The following ADD1 variants were observed in gnomAD, a reference collection of about 807,000 sequenced individuals.
ADD1 encodes alpha-adducin.
ADD1 carries 24 observed loss-of-function variants against 80.5 expected under a neutral mutation model. The observed-to-expected ratio is 0.30, with a 90% CI of 0.22 to 0.42. ADD1 has a LOEUF of 0.42. ADD1 is among the 10% of genes least tolerant of loss of function. ADD1 has a pLI of 1.00. For missense variants in ADD1, 948 were observed against 1,019.0 expected (o/e 0.93, Z 0.95); for synonymous variants, 373 against 393.8 (o/e 0.95, Z 0.63).
chr4:2,926,165 G>C lies in ADD1; in HGVS notation c.2047+53G>C. 2 of 1,475,768 alleles carry C rather than the reference G, an allele frequency of 1.4e-6. No individual in the cohort carries two copies. The highest frequency in any genetic ancestry group is 1.9e-6 in the Non-Finnish European group (2 of 1,055,360). The allele number at this position is 1,475,768 out of a possible 1,614,324, so 91.4% of individuals were successfully genotyped here. ...CTGTGGGAGGGTGCACGGCTCGTGC[G>C]CGCTGTGGCGGAATGTGGCGGGAGT... is the stretch of plus-strand genomic sequence containing the variant. On this transcript the variant is annotated intron_variant, in intron 15 of 15. Coordinates refer to ENST00000683351, the MANE Select transcript of ADD1 (RefSeq NM_001354761.2). This position sits in a 1 kb window ranked among gnomAD's most constrained non-coding sequence, Gnocchi z 5.0.
chr4:2,921,890 A>G (rs917629334), intron 14 of ADD1, among the ~76,000 whole-genome samples: 1 of 150,754 alleles, frequency 6.6e-6, no homozygotes, highest in East Asian at 2.0e-4. Context: ...TTGATCTTCA[A>G]TCTCTGATAT....
chr4:2,857,327 A>G (rs763068374), intron 1 of ADD1, among the ~76,000 whole-genome samples: 1 of 152,174 alleles, frequency 6.6e-6, no homozygotes, highest in African/African-American at 2.4e-5. Context: ...AAAAGTTAGC[A>G]GGTGTGGTGG....
At position 2,896,436 on chromosome 4, in the gene ADD1, T is replaced by C. The variant is rs1442923988; in HGVS notation, c.741+1705T>C. 4.6e-5 allele frequency among the ~76,000 whole-genome samples: 7 copies of C among 151,696 alleles called. No individual in the cohort carries two copies. In the East Asian group the frequency reaches 7.8e-4, roughly 17 times the overall value. ...GTTGGCCTGGCTGGTCTCGAACTCCTGACCTCAAGTGATCTGCCCACCTTG... is the reference window on the plus strand; with the variant it reads ...GTTGGCCTGGCTGGTCTCGAACTCCCGACCTCAAGTGATCTGCCCACCTTG... On this transcript the variant is annotated intron_variant, in intron 6 of 15. Transcript: ENST00000683351.
At chr4:2,851,239 G>T (rs1420275241) in intron 1 of ADD1, among the ~76,000 whole-genome samples, 1 of 152,158 alleles carries the variant, frequency 6.6e-6, no homozygotes, top group Non-Finnish European at 1.5e-5. Context: ...TGCCACTCAA[G>T]ATGTGTGGCC....
chr4:2,903,407 G>T (rs1450551765), intron 9 of ADD1, among the ~76,000 whole-genome samples: 3 of 152,174 alleles, frequency 2.0e-5, no homozygotes, highest in Admixed American at 6.5e-5. Flanking sequence ...CTTCTGTGGG[G>T]CAGGAGTCCA....
chr4:2,928,491 C>T lies in ADD1; in HGVS notation c.2368C>T (p.Leu790=). ...GAAGAAGTTCCGTACCCCGTCCTTT[C>T]TGAAGAAGAGCAAGAAGAAGAGTGA... ...KKKKFRTPSF[L]KKSKKKSDS Residue 790 remains leucine (L), a synonymous_variant, in exon 16 of 16, where the codon CTG becomes TTG. Transcript: ENST00000683351. The T allele has an allele frequency of 6.2e-7, 1 of 1,613,700 alleles. No homozygotes were observed. The highest frequency in any genetic ancestry group is 1.3e-5 in the African/African-American group (1 of 75,034).
Position 2,878,843 on chromosome 4 carries a change from T to G in ADD1, c.195+2733T>G, listed in dbSNP as rs142028743. 4.8e-3 allele frequency among the ~76,000 whole-genome samples: 726 copies of G among 152,230 alleles called. 3 individuals are homozygous for G. The highest frequency in any genetic ancestry group is 0.027 in the Middle Eastern group (8 of 294). ...AGGGATTACAATGTAATCATTACAA[T>G]GGATCTAAGCCAGTGAGGGAGTTCA... On this transcript the variant is annotated intron_variant, in intron 2 of 15. Coordinates refer to ENST00000683351, the MANE Select transcript of ADD1 (RefSeq NM_001354761.2).
chr4:2,884,716 T>A (rs771500177), intron 4 of ADD1, 50 bp downstream of exon 4: 4 of 1,521,906 alleles, frequency 2.6e-6, no homozygotes, highest in Non-Finnish European at 3.6e-6. Context: ...ATATTTTGTG[T>A]CTGGCACCAC....
At chr4:2,916,819 A>C (rs1221346265) in intron 14 of ADD1, among the ~76,000 whole-genome samples, 1 of 152,112 alleles carries the variant, frequency 6.6e-6, no homozygotes, top group Admixed American at 6.6e-5. Flanking sequence ...GTTTGCTGAG[A>C]ATGATGGTTT....
chr4:2,916,658 G>T (rs936714568), intron 14 of ADD1, among the ~76,000 whole-genome samples: 1 of 152,138 alleles, frequency 6.6e-6, no homozygotes, highest in Admixed American at 6.5e-5. Flanking sequence ...TCTACATTAG[G>T]TATTTCTCCT....
rs1469277961 is a variant in ADD1 at position 2,899,881 on chromosome 4, C to T, written c.1161+446C>T. ...CCACTCCCTGTCCACAGCGTGGGAG[C>T]CCCTCAGCTGCTTATTGCAGGGACA... On this transcript the variant is annotated intron_variant, in intron 9 of 15. Transcript: ENST00000683351. 4 of 295,290 alleles carry T rather than the reference C, an allele frequency of 1.4e-5. No homozygotes were observed. The East Asian group carries it at 4.0e-4, about 30-fold the overall frequency. 18.3% of individuals were successfully genotyped at this position (295,290 alleles called of 1,614,324 possible).
intron 2 of ADD1, among the ~76,000 whole-genome samples, chr4:2,881,109 G>A (rs1411955143): frequency 2.8e-5 from 2 of 72,574 alleles, no homozygotes; most frequent in African/African-American, 1.2e-4. Flanking sequence ...ACAAAGTCTT[G>A]CTCTGTTGCC....
intron 1 of ADD1, among the ~76,000 whole-genome samples, chr4:2,869,007 C>T (rs555501397): frequency 2.4e-4 from 37 of 152,316 alleles, no homozygotes; most frequent in South Asian, 4.1e-4. Flanking sequence ...TGACTGCGCT[C>T]ACTCTGCTGT....
At chr4:2,917,348 G>A (rs1338035068) in intron 14 of ADD1, among the ~76,000 whole-genome samples, 2 of 152,096 alleles carry the variant, frequency 1.3e-5, no homozygotes, top group East Asian at 3.9e-4. Context: ...AGAAGTGTCT[G>A]TTTATATCCT....
At chr4:2,885,815 T>C (rs920656397) in intron 4 of ADD1, among the ~76,000 whole-genome samples, 14 of 152,070 alleles carry the variant, frequency 9.2e-5, no homozygotes, top group African/African-American at 2.4e-4. Flanking sequence ...TTTCACCGTG[T>C]TAGCCAGGAT....
Position 2,894,668 on chromosome 4 carries a change from A to G in ADD1, c.678A>G (p.Ala226=), listed in dbSNP as rs1176984169. 1 of 1,606,764 alleles carries G rather than the reference A, an allele frequency of 6.2e-7. No individual in the cohort carries two copies. Among genetic ancestry groups the G allele is most frequent in the Non-Finnish European group, 8.5e-7 (1 of 1,178,010 alleles). Residue 226 remains alanine, a synonymous_variant, in exon 6 of 16, where the codon GCA becomes GCG. Coordinates refer to ENST00000683351, the MANE Select transcript of ADD1 (RefSeq NM_001354761.2). ...VNQAGFTLHS[A]IYAARPDVKC... ...AGGCCGGCTTCACCTTACACTCTGC[A>G]ATTTATGCTGCACGCCCGGACGTGA... is the stretch of plus-strand genomic sequence containing the variant.
rs745833889 is a variant in ADD1, at chr4:2,908,606, T to TGA, written c.1698+6_1698+7dup. ...GTGATGGACAGGAGCCTCGTCCAGG[T>TGA]GAGAGCCCAGAGTGTCTCTGACTTT... On this transcript the variant is annotated splice_region_variant and intron_variant, in intron 12 of 15. Coordinates refer to ENST00000683351, the MANE Select transcript of ADD1 (RefSeq NM_001354761.2). The TGA allele has an allele frequency of 5.6e-6, 9 of 1,613,644 alleles. No homozygotes were observed. The Admixed American group carries it at 1.5e-4, about 27-fold the overall frequency.
At chr4:2,892,250 G>A (rs1336501952) in intron 4 of ADD1, among the ~76,000 whole-genome samples, 1 of 152,134 alleles carries the variant, frequency 6.6e-6, no homozygotes. Context: ...AGCTCCAACT[G>A]TCCGACCCTA....
chr4:2,917,207 G>A (rs762339494), intron 14 of ADD1, among the ~76,000 whole-genome samples: 4 of 151,978 alleles, frequency 2.6e-5, no homozygotes, highest in Non-Finnish European at 4.4e-5. Context: ...TTGTTTCCTC[G>A]CTTTTTAATG....
Sources: gnomAD v4.1 joint callset for allele counts (sites outside exome capture counted in the v4.1 genomes callset) on GRCh38, gnomAD v4.1.1 for gene constraint, Gnocchi (gnomAD v3.1) non-coding constraint, MANE v1.5 for transcripts, NCBI Gene and HGNC (gene_info 2026-07-23, HGNC 2026-07-21) for gene names.